Variants in ARHGAP10 observed in about 807,000 individuals in gnomAD.
The protein encoded by ARHGAP10 is rho GTPase-activating protein 10.
ARHGAP10 carries 87 observed loss-of-function variants against 108.6 expected under a neutral mutation model. The ratio of observed to expected loss-of-function variants is 0.80; its 90% confidence interval spans 0.67 to 0.96. ARHGAP10 has a LOEUF of 0.96. Among genes scored for constraint, ARHGAP10 ranks in the 40% least tolerant of loss-of-function variants. The pLI is 0.00. For missense variants in ARHGAP10, 939 were observed against 954.5 expected (o/e 0.98, Z 0.21); for synonymous variants, 347 against 341.1 (o/e 1.02, Z -0.19).
At chr4:147,778,006 A>G (rs1730365051) in intron 1 of ARHGAP10, among the ~76,000 whole-genome samples, 1 of 152,174 alleles carries the variant, frequency 6.6e-6, no homozygotes, top group African/African-American at 2.4e-5. Flanking sequence ...CAACTAGATG[A>G]CATGAGGATC....
At chr4:147,759,249 C>A (rs1418825176) in intron 1 of ARHGAP10, among the ~76,000 whole-genome samples, 9 of 152,200 alleles carry the variant, frequency 5.9e-5, no homozygotes, top group African/African-American at 2.2e-4. Flanking sequence ...CATTGAAGAA[C>A]TGTTATCTCC....
chr4:147,854,937 A>C, intron 4 of ARHGAP10: 1 of 926,796 alleles, frequency 1.1e-6, no homozygotes, highest in South Asian at 5.0e-5. Context: ...CTTTACCCAC[A>C]TGTTGATTTT....
At chr4:147,865,263 A>G (rs767637176) in intron 6 of ARHGAP10, 1 of 226,144 alleles carries the variant, frequency 4.4e-6, no homozygotes, top group Non-Finnish European at 8.7e-6. Flanking sequence ...ATTTCTCTGA[A>G]ATAATTTATA....
chr4:147,830,640 C>T (rs1032239548), intron 3 of ARHGAP10, among the ~76,000 whole-genome samples: 1 of 151,436 alleles, frequency 6.6e-6, no homozygotes, highest in Non-Finnish European at 1.5e-5. Context: ...CTGCTTCAGC[C>T]TCTTGAGCAG....
At chr4:147,811,758 G>A (rs116410624) in intron 1 of ARHGAP10, among the ~76,000 whole-genome samples, 1 of 152,124 alleles carries the variant, frequency 6.6e-6, no homozygotes, top group Non-Finnish European at 1.5e-5. Context: ...CAGATTGGTC[G>A]CTAGCCACTT....
At chr4:147,935,067 G>C (rs887817121) in intron 13 of ARHGAP10, among the ~76,000 whole-genome samples, 3 of 152,170 alleles carry the variant, frequency 2.0e-5, no homozygotes, top group Non-Finnish European at 2.9e-5. Flanking sequence ...TGAAGAGAAG[G>C]GGAAGAGCAT....
At position 147,881,868 on chromosome 4, in the gene ARHGAP10, TG is replaced by T; in HGVS notation, c.971del (p.Cys324LeufsTer17). The T allele has an allele frequency of 6.2e-7, 1 of 1,614,024 alleles. No homozygotes were observed. The highest frequency in any genetic ancestry group is 8.5e-7 in the Non-Finnish European group (1 of 1,179,976). ...GDGEVFFLKE[C>X]TKRHTDSIDR... ...CGGAGAGGTGTTCTTTTTGAAAGAATGTACCAAGAGGCATACTGACTCCATT... is the reference window on the plus strand; with the variant it reads ...CGGAGAGGTGTTCTTTTTGAAAGAATTACCAAGAGGCATACTGACTCCATT... On this transcript the variant is annotated frameshift_variant, in exon 10 of 23. Coordinates refer to ENST00000336498, the MANE Select transcript of ARHGAP10 (RefSeq NM_024605.4). LOFTEE classifies it high-confidence loss of function.
chr4:147,885,186 C>T (rs1735495224), intron 10 of ARHGAP10, among the ~76,000 whole-genome samples: 1 of 152,014 alleles, frequency 6.6e-6, no homozygotes, highest in Non-Finnish European at 1.5e-5. Context: ...TAGTTTGGGT[C>T]ATTGTATTAG....
At chr4:147,759,445 G>T (rs867179845) in intron 1 of ARHGAP10, among the ~76,000 whole-genome samples, 4 of 152,120 alleles carry the variant, frequency 2.6e-5, no homozygotes, top group Admixed American at 1.3e-4. Flanking sequence ...GTAATGGCAT[G>T]TGCCTGTAGT....
chr4:148,008,054 C>T (rs991141727), intron 18 of ARHGAP10, among the ~76,000 whole-genome samples: 3 of 152,208 alleles, frequency 2.0e-5, no homozygotes, highest in Non-Finnish European at 4.4e-5. Context: ...AGGTTATCAG[C>T]TTGCAATCAT....
At chr4:147,746,902 C>CT (rs1728948781) in intron 1 of ARHGAP10, among the ~76,000 whole-genome samples, 2 of 152,164 alleles carry the variant, frequency 1.3e-5, no homozygotes, top group Non-Finnish European at 2.9e-5. Context: ...GTTTTAATCT[C>CT]TCCCCCACCA....
chr4:148,004,713 A>G (rs550772776), intron 18 of ARHGAP10, among the ~76,000 whole-genome samples: 1 of 152,154 alleles, frequency 6.6e-6, no homozygotes, highest in Non-Finnish European at 1.5e-5. Flanking sequence ...AACAACCTGA[A>G]TGAGTTTGGA....
At chr4:147,767,086 A>G (rs1212997245) in intron 1 of ARHGAP10, among the ~76,000 whole-genome samples, 1 of 151,894 alleles carries the variant, frequency 6.6e-6, no homozygotes, top group Non-Finnish European at 1.5e-5. Flanking sequence ...CTTGACCTCA[A>G]GCAATCCACC....
At chr4:147,970,606 A>G (rs574933418) in intron 18 of ARHGAP10, among the ~76,000 whole-genome samples, 1 of 152,274 alleles carries the variant, frequency 6.6e-6, no homozygotes, top group South Asian at 2.1e-4. Context: ...GAAAGTCACT[A>G]AAGCAAAGAG....
At chr4:147,931,431 A>G (rs1737677414) in intron 13 of ARHGAP10, among the ~76,000 whole-genome samples, 1 of 152,302 alleles carries the variant, frequency 6.6e-6, no homozygotes, top group South Asian at 2.1e-4. Flanking sequence ...AAAAATCACA[A>G]TAATTTGGAT....
intron 13 of ARHGAP10, among the ~76,000 whole-genome samples, chr4:147,926,689 A>G (rs1309280212): frequency 6.6e-6 from 1 of 152,318 alleles, no homozygotes; most frequent in East Asian, 1.9e-4. Flanking sequence ...GAATGCTTCT[A>G]TTTTGATGAT....
At chr4:148,001,734 G>A (rs937133237) in intron 18 of ARHGAP10, among the ~76,000 whole-genome samples, 3 of 152,100 alleles carry the variant, frequency 2.0e-5, no homozygotes, top group Non-Finnish European at 4.4e-5. Flanking sequence ...TGGTGTATAA[G>A]AATGCTTGTG....
chr4:147,888,116 C>A (rs1579162674), intron 10 of ARHGAP10, among the ~76,000 whole-genome samples: 1 of 152,174 alleles, frequency 6.6e-6, no homozygotes, highest in African/African-American at 2.4e-5. Flanking sequence ...CTGGCTTCTT[C>A]ACTTTTTGTA....
In ARHGAP10 at chr4:147,884,456, CA is replaced by C. The variant is rs1314102423; in HGVS notation, c.1034+2531del. ...ATTTCATGTTAATGTGTATATAAAG[CA>C]AAAAAAGTGGGTTCCCTTATTAAAG... is the stretch of plus-strand genomic sequence containing the variant. On this transcript the variant is annotated intron_variant, in intron 10 of 22. Coordinates refer to ENST00000336498, the MANE Select transcript of ARHGAP10 (RefSeq NM_024605.4). Among the ~76,000 whole-genome samples, 6 of 152,080 alleles carry C rather than the reference CA, an allele frequency of 3.9e-5. No homozygotes were observed. In the East Asian group the frequency reaches 9.7e-4, roughly 25 times the overall value.
Sources: gnomAD v4.1 joint callset for allele counts (sites outside exome capture counted in the v4.1 genomes callset) on GRCh38, gnomAD v4.1.1 for gene constraint, MANE v1.5 for transcripts, NCBI Gene and HGNC (gene_info 2026-07-23, HGNC 2026-07-21) for gene names.